PPP6R3: variants seen among roughly 807,000 people sequenced by gnomAD.
PPP6R3 encodes serine/threonine-protein phosphatase 6 regulatory subunit 3.
In PPP6R3, 38 loss-of-function variants were observed where a neutral mutation model predicts 110.7. That is an observed-to-expected ratio of 0.34 (90% CI 0.26 to 0.45). The LOEUF (loss-of-function observed/expected upper bound fraction) is 0.45. Among genes scored for constraint, PPP6R3 ranks in the 20% least tolerant of loss-of-function variants. The probability of loss-of-function intolerance (pLI) is 1.00; values close to 1 mark genes in which losing one functional copy is unlikely to be tolerated. For missense variants in PPP6R3, 870 were observed against 1,062.4 expected (o/e 0.82, Z 2.52); for synonymous variants, 369 against 373.5 (o/e 0.99, Z 0.14).
intron 2 of PPP6R3, among the ~76,000 whole-genome samples, chr11:68,532,050 C>A (rs1480173790): frequency 6.6e-6 from 1 of 152,178 alleles, no homozygotes; most frequent in African/African-American, 2.4e-5. Flanking sequence ...CTTGTTCTAC[C>A]TCTTATAAAT....
chr11:68,495,160 A>C (rs2099008055), intron 1 of PPP6R3, among the ~76,000 whole-genome samples: 1 of 152,238 alleles, frequency 6.6e-6, no homozygotes. Context: ...TGGATCAGTT[A>C]CTGTCTCTCC....
At chr11:68,607,712 C>CATCT (rs370324436) in intron 22 of PPP6R3, among the ~76,000 whole-genome samples, 8 of 151,924 alleles carry the variant, frequency 5.3e-5, no homozygotes, top group Non-Finnish European at 7.4e-5. Context: ...ATCTGTCTGT[C>CATCT]ATCTATCTAT....
intron 1 of PPP6R3, among the ~76,000 whole-genome samples, chr11:68,462,820 G>A (rs2098717823): frequency 6.6e-6 from 1 of 152,132 alleles, no homozygotes; most frequent in African/African-American, 2.4e-5. Flanking sequence ...CTTGGGACTT[G>A]GTTTGCTGTA....
rs141718639 is a variant in PPP6R3 at position 68,575,054 on chromosome 11, T to C, written c.1459+830T>C. 4.7e-4 allele frequency among the ~76,000 whole-genome samples: 71 copies of C among 152,364 alleles called. 1 individual carries two copies. Among genetic ancestry groups the C allele is most frequent in the Admixed American group, 3.3e-3 (51 of 15,310 alleles). ...GGAAAAAGTGGTGTGTGCCCACTTC[T>C]AATTTTGCTTCTTGAGAGAGGCATA... On this transcript the variant is annotated intron_variant, in intron 13 of 23. Coordinates refer to ENST00000393800, the MANE Select transcript of PPP6R3 (RefSeq NM_001164161.2).
At chr11:68,606,326 CTTCT>C (rs1237598470) in intron 22 of PPP6R3, among the ~76,000 whole-genome samples, 24 of 151,830 alleles carry the variant, frequency 1.6e-4, no homozygotes, top group Non-Finnish European at 2.9e-4. Flanking sequence ...CTTCTTCTTT[CTTCT>C]TTCTTCTTCA....
chr11:68,534,608 A>G (rs2099259492), intron 2 of PPP6R3, among the ~76,000 whole-genome samples: 1 of 151,488 alleles, frequency 6.6e-6, no homozygotes, highest in African/African-American at 2.5e-5. Flanking sequence ...GGTTTTAGGC[A>G]TAGCTTCTCA....
At chr11:68,477,172 G>A (rs1009627210) in intron 1 of PPP6R3, among the ~76,000 whole-genome samples, 7 of 152,082 alleles carry the variant, frequency 4.6e-5, no homozygotes, top group African/African-American at 1.4e-4. Context: ...CAGATTATAA[G>A]GTGAGGCTTT....
rs2099589840 is a variant in PPP6R3 at position 68,589,804 on chromosome 11, A to G, written c.1731-856A>G. On this transcript the variant is annotated intron_variant, in intron 16 of 23. Coordinates refer to ENST00000393800, the MANE Select transcript of PPP6R3 (RefSeq NM_001164161.2). The stretch of plus-strand genomic sequence containing the variant: ...TTTACAGCACGCTCTTAATTGTGCT[A>G]TAAACATGCCGTATGGGCACAGTGG... 3.3e-5 allele frequency among the ~76,000 whole-genome samples: 5 copies of G among 152,274 alleles called. No individual in the cohort carries two copies. In the South Asian group the frequency reaches 1.0e-3, roughly 31 times the overall value.
intron 12 of PPP6R3, among the ~76,000 whole-genome samples, chr11:68,571,682 A>G (rs7944770): frequency 1 from 152,227 of 152,356 alleles, 76,050 homozygotes; most frequent in Non-Finnish European, 1. Flanking sequence ...AGTGCCCTGG[A>G]AGCCTTTATG....
chr11:68,477,741 A>AAAAAAAATATATATAT, intron 1 of PPP6R3, among the ~76,000 whole-genome samples: 4 of 57,902 alleles, frequency 6.9e-5, no homozygotes, highest in Admixed American at 2.0e-4. Context: ...AAAAAAAAAA[A>AAAAAAAATATATATAT]ATATATATAT....
At chr11:68,535,573 T>A (rs1205037098) in intron 2 of PPP6R3, 1 of 152,128 alleles carries the variant, frequency 6.6e-6, no homozygotes, top group African/African-American at 2.4e-5. Context: ...ATTTAAAGTT[T>A]TTTTTAGAAA....
intron 1 of PPP6R3, among the ~76,000 whole-genome samples, chr11:68,497,970 C>T (rs1233388946): frequency 2.0e-5 from 3 of 152,040 alleles, no homozygotes; most frequent in Non-Finnish European, 2.9e-5. Context: ...TATTTAGGAA[C>T]CATGTATTTG....
chr11:68,512,253 G>C (rs2099114658), intron 1 of PPP6R3, among the ~76,000 whole-genome samples: 1 of 152,220 alleles, frequency 6.6e-6, no homozygotes, highest in African/African-American at 2.4e-5. Context: ...TAAGCTAGAA[G>C]TTCAAGATCA....
At chr11:68,597,195 C>T (rs1214271730) in intron 19 of PPP6R3, among the ~76,000 whole-genome samples, 1 of 152,104 alleles carries the variant, frequency 6.6e-6, no homozygotes, top group African/African-American at 2.4e-5. Context: ...AGCAGATGGG[C>T]AGTGCAGGGG....
At chr11:68,564,195 G>T in intron 8 of PPP6R3, 108 bp from the exon 9 acceptor site, 3 of 1,172,882 alleles carry the variant, frequency 2.6e-6, no homozygotes, top group Non-Finnish European at 1.2e-6. Context: ...CTTTTTTCCC[G>T]CAGCCAGAAA....
chr11:68,528,682 C>G (rs1330319184), intron 2 of PPP6R3, among the ~76,000 whole-genome samples: 1 of 152,176 alleles, frequency 6.6e-6, no homozygotes, highest in Non-Finnish European at 1.5e-5. Flanking sequence ...GAGATAACTT[C>G]CGTGGGAGTG....
At chr11:68,538,021 A>C in intron 3 of PPP6R3, 130 bp downstream of exon 3, 1 of 701,890 alleles carries the variant, frequency 1.4e-6, no homozygotes. Context: ...CAAGAATGAC[A>C]GGCTCGGTGG....
intron 19 of PPP6R3, among the ~76,000 whole-genome samples, chr11:68,596,475 G>T (rs2099614250): frequency 6.6e-6 from 1 of 152,190 alleles, no homozygotes. Flanking sequence ...TCTGGCTGGA[G>T]GACAGAGCCC....
chr11:68,467,170 C>G (rs1486537479), intron 1 of PPP6R3, among the ~76,000 whole-genome samples: 1 of 152,220 alleles, frequency 6.6e-6, no homozygotes, highest in Non-Finnish European at 1.5e-5. Flanking sequence ...GAAGACTATA[C>G]AGTTGACTGA....
Sources: gnomAD v4.1 joint callset for allele counts (sites outside exome capture counted in the v4.1 genomes callset) on GRCh38, gnomAD v4.1.1 for gene constraint, MANE v1.5 for transcripts, NCBI Gene and HGNC (gene_info 2026-07-23, HGNC 2026-07-21) for gene names.